Variants in AKAP13 observed in about 807,000 individuals in gnomAD.
AKAP13 encodes A-kinase anchoring protein 13, also known as A-kinase anchor protein 13.
A neutral mutation model predicts 264.5 loss-of-function variants in AKAP13; 80 were observed. That is an observed-to-expected ratio of 0.30 (90% CI 0.25 to 0.36). The LOEUF is 0.36. AKAP13 is among the 10% of genes least tolerant of loss of function. AKAP13 has a pLI of 1.00. For missense variants in AKAP13, 3,712 were observed against 3,435.2 expected, an observed-to-expected ratio of 1.08 and a Z score of -2.01; for synonymous variants, 1,380 against 1,250.2, an observed-to-expected ratio of 1.10 and a Z score of -2.19.
chr15:85,406,355 C>T (rs1455992437), intron 1 of AKAP13, among the ~76,000 whole-genome samples: 1 of 150,922 alleles, frequency 6.6e-6, no homozygotes, highest in Non-Finnish European at 1.5e-5. Context: ...TCAAGTCTTG[C>T]TCTCTCTCAA....
At chr15:85,424,990 A>T (rs1429955806) in intron 1 of AKAP13, among the ~76,000 whole-genome samples, 1 of 152,228 alleles carries the variant, frequency 6.6e-6, no homozygotes, top group African/African-American at 2.4e-5. Flanking sequence ...TGGTGCCCTA[A>T]AACAATTACA....
chr15:85,425,917 A>T (rs1462362174), intron 1 of AKAP13, among the ~76,000 whole-genome samples: 1 of 151,864 alleles, frequency 6.6e-6, no homozygotes, highest in Non-Finnish European at 1.5e-5. Context: ...AAAAAAAAAG[A>T]GTCATTATCA....
intron 8 of AKAP13, among the ~76,000 whole-genome samples, chr15:85,589,114 T>C (rs2079480982): frequency 6.6e-6 from 1 of 152,230 alleles, no homozygotes; most frequent in African/African-American, 2.4e-5. Flanking sequence ...CAAACTTGCC[T>C]TATTTGCTGT....
rs76556725 is a variant in AKAP13 at position 85,574,682 on chromosome 15, C to T, written c.663-449C>T. ...CCTATTGTTAGAAAAGTTGGAGTGC[C>T]CTTGTAAGGGTTGGAGTGAGTGGTT... On this transcript the variant is annotated intron_variant, in intron 5 of 36. Transcript: ENST00000394518. 2.4e-3 allele frequency among the ~76,000 whole-genome samples: 358 copies of T among 152,068 alleles called. 5 individuals carry two copies. The highest frequency in any genetic ancestry group is 8.0e-3 in the African/African-American group (333 of 41,458).
chr15:85,543,834 T>A lies in AKAP13; in HGVS notation c.541T>A (p.Trp181Arg). ...AVRLGLLRLTWFLLQKPGGRG... is the reference protein window; with the variant it reads ...AVRLGLLRLTRFLLQKPGGRG... ...GCGGCTGGGACTGCTGAGGTTGACG[T>A]GGTTCCTGTTGCAGAAGCCAGGTGG... The change falls in exon 5 of 37, where the codon TGG (tryptophan) becomes AGG (arginine). Residue 181 changes from tryptophan to arginine, a missense_variant. Trp to Arg is a moderately radical substitution (Grantham distance 101). Coordinates refer to ENST00000394518, the MANE Select transcript of AKAP13 (RefSeq NM_007200.5). 6.2e-7 allele frequency: 1 copy of A among 1,614,086 alleles called. No individual in the cohort carries two copies. The highest frequency in any genetic ancestry group is 8.5e-7 in the Non-Finnish European group (1 of 1,179,988).
intron 10 of AKAP13, among the ~76,000 whole-genome samples, chr15:85,650,778 A>AAAAAAAAAAAAAC (rs1567175439): frequency 2.0e-5 from 3 of 146,406 alleles, no homozygotes; most frequent in Admixed American, 6.9e-5. Context: ...AAAAAAAAAA[A>AAAAAAAAAAAAAC]AAAAAAAAAA....
intron 8 of AKAP13, among the ~76,000 whole-genome samples, chr15:85,596,577 C>T (rs2079834591): frequency 6.6e-6 from 1 of 152,022 alleles, no homozygotes; most frequent in African/African-American, 2.4e-5. Flanking sequence ...GAATGAGACC[C>T]TGTCTCAAAA....
intron 10 of AKAP13, 50 bp from the exon 11 acceptor site, chr15:85,655,367 T>C (rs925731532): frequency 6.4e-7 from 1 of 1,570,414 alleles, no homozygotes; most frequent in East Asian, 2.3e-5. Flanking sequence ...ACTGAGGCTA[T>C]CTGATTGGCC....
intron 1 of AKAP13, among the ~76,000 whole-genome samples, chr15:85,455,152 G>A (rs1468297418): frequency 6.6e-6 from 1 of 152,078 alleles, no homozygotes; most frequent in African/African-American, 2.4e-5. Flanking sequence ...TGGATCTTCA[G>A]TCTGCCTTTT....
At chr15:85,707,159 T>C (rs1355551481) in intron 17 of AKAP13, among the ~76,000 whole-genome samples, 1 of 152,186 alleles carries the variant, frequency 6.6e-6, no homozygotes, top group Admixed American at 6.5e-5. Context: ...CACAGGCCGA[T>C]CTTTCATTTG....
chr15:85,492,779 G>T (rs2075766882), intron 2 of AKAP13, among the ~76,000 whole-genome samples: 1 of 152,046 alleles, frequency 6.6e-6, no homozygotes. Context: ...TTATTTTGTA[G>T]CATGTTTTGT....
chr15:85,403,686 C>T (rs952366930), intron 1 of AKAP13, among the ~76,000 whole-genome samples: 4 of 151,776 alleles, frequency 2.6e-5, no homozygotes, highest in African/African-American at 9.7e-5. Flanking sequence ...ACTAAAAATA[C>T]AAAAATTAGC....
In AKAP13 at chr15:85,677,126, A is replaced by G. The variant is rs912794011; in HGVS notation, c.5102-5032A>G. On this transcript the variant is annotated intron_variant, in intron 14 of 36. Transcript: ENST00000394518. ...AAGTAAGCAACTTTGGTGTCCAGTG[A>G]CTGTTCTTGAAGGTCTGACCAGCTC... The G allele has an allele frequency of 4.1e-6, 4 of 985,304 alleles. No individual in the cohort carries two copies. The African/African-American group carries it at 5.2e-5, about 13-fold the overall frequency. 61.0% of individuals were successfully genotyped at this position (985,304 alleles called of 1,614,324 possible).
chr15:85,584,469 C>G (rs1000914902), intron 7 of AKAP13, among the ~76,000 whole-genome samples: 5 of 152,186 alleles, frequency 3.3e-5, no homozygotes, highest in African/African-American at 1.2e-4. Flanking sequence ...AGAAATTACT[C>G]TGACTCACTT....
intron 1 of AKAP13, among the ~76,000 whole-genome samples, chr15:85,485,283 T>A (rs1466527725): frequency 1.3e-5 from 2 of 152,158 alleles, no homozygotes; most frequent in Admixed American, 6.6e-5. Context: ...GTTCTAGTGG[T>A]CCCTTGCAAT....
At chr15:85,425,551 A>G (rs1316552049) in intron 1 of AKAP13, among the ~76,000 whole-genome samples, 4 of 152,074 alleles carry the variant, frequency 2.6e-5, no homozygotes, top group African/African-American at 9.6e-5. Flanking sequence ...CCTCTTCTCT[A>G]CCAAAAATAT....
In AKAP13 at chr15:85,736,150, A is replaced by G. The variant is rs369434325; in HGVS notation, c.7557+16A>G. 6.3e-7 allele frequency: 1 copy of G among 1,582,412 alleles called. No homozygotes were observed. Among genetic ancestry groups the G allele is most frequent in the Non-Finnish European group, 8.7e-7 (1 of 1,153,626 alleles). On this transcript the variant is annotated intron_variant, in intron 33 of 36. Coordinates refer to ENST00000394518, the MANE Select transcript of AKAP13 (RefSeq NM_007200.5). ...AAACAGTGAGGTAAGGACATTATGA[A>G]CTATTTAAGAAAATATGTGTTTGTT...
chr15:85,441,738 G>A (rs1213878958), intron 1 of AKAP13, among the ~76,000 whole-genome samples: 3 of 151,300 alleles, frequency 2.0e-5, no homozygotes, highest in African/African-American at 7.3e-5. Flanking sequence ...TGCTTGTTCT[G>A]GTGCCATTTA....
At chr15:85,690,559 A>G (rs982708207) in intron 16 of AKAP13, among the ~76,000 whole-genome samples, 8 of 152,236 alleles carry the variant, frequency 5.3e-5, no homozygotes, top group African/African-American at 1.9e-4. Context: ...TTTATAGTTC[A>G]AAAGTGTAGT....
Sources: gnomAD v4.1 joint callset for allele counts (sites outside exome capture counted in the v4.1 genomes callset) on GRCh38, gnomAD v4.1.1 for gene constraint, MANE v1.5 for transcripts, NCBI Gene and HGNC (gene_info 2026-07-23, HGNC 2026-07-21) for gene names.